Variants in FHIT observed in about 807,000 individuals in gnomAD.
FHIT encodes the protein bis(5'-adenosyl)-triphosphatase.
Under a neutral mutation model 17.9 loss-of-function variants are expected in FHIT, and 19 were observed. That is an observed-to-expected ratio of 1.06 (90% CI 0.74 to 1.56). The LOEUF (loss-of-function observed/expected upper bound fraction) is 1.56. Ranked by LOEUF, FHIT falls within the 40% of genes most tolerant of loss-of-function variation. The pLI is 0.00. For missense variants in FHIT, 248 were observed against 189.2 expected (o/e 1.31, Z -1.82); for synonymous variants, 81 against 69.7 (o/e 1.16, Z -0.81).
chr3:60,140,250 C>T (rs1699983743), intron 5 of FHIT, among the ~76,000 whole-genome samples: 1 of 152,130 alleles, frequency 6.6e-6, no homozygotes, highest in Admixed American at 6.5e-5. Context: ...AACCACCATT[C>T]TCCCATTCTG....
Position 61,075,762 on chromosome 3 carries a change from G to A in FHIT, c.-163-33663C>T, listed in dbSNP as rs181556027. On this transcript the variant is annotated intron_variant, in intron 2 of 9. Coordinates refer to ENST00000492590, the MANE Select transcript of FHIT (RefSeq NM_002012.4). ...TTTTGTTCATTTATCCATTAAATAA[G>A]TATTCGTTCACTGCCTTCTATGTGT... Among the ~76,000 whole-genome samples, 634 of 152,108 alleles carry A rather than the reference G, an allele frequency of 4.2e-3. 3 individuals are homozygous for A. Among genetic ancestry groups the A allele is most frequent in the African/African-American group, 0.014 (598 of 41,512 alleles).
intron 5 of FHIT, among the ~76,000 whole-genome samples, chr3:60,313,299 T>A (rs367663935): frequency 6.6e-6 from 1 of 152,214 alleles, no homozygotes; most frequent in Non-Finnish European, 1.5e-5. Context: ...GAAACTAATA[T>A]GTAAAAACCC....
intron 4 of FHIT, chr3:60,730,422 C>T (rs1289738066): frequency 4.2e-6 from 1 of 235,332 alleles, no homozygotes; most frequent in Non-Finnish European, 9.6e-6. Context: ...ATGTGTATTT[C>T]CCACTGGATT....
chr3:60,567,350 C>T lies in FHIT; in HGVS notation c.-17-30371G>A, dbSNP rs144506635. 1.8e-3 allele frequency among the ~76,000 whole-genome samples: 272 copies of T among 150,246 alleles called. 6 individuals carry two copies. The East Asian group carries it at 0.046, about 25-fold the overall frequency. Reference sequence around the variant, plus strand: ...TCTTTGACAAACCTGACAAAAGAAACGGGGAAAGGATTCTCTATTTAATAA... The same window carrying T: ...TCTTTGACAAACCTGACAAAAGAAATGGGGAAAGGATTCTCTATTTAATAA... On this transcript the variant is annotated intron_variant, in intron 4 of 9. Transcript: ENST00000492590.
intron 5 of FHIT, among the ~76,000 whole-genome samples, chr3:60,362,138 G>A (rs1419641584): frequency 6.6e-6 from 1 of 152,000 alleles, no homozygotes; most frequent in Non-Finnish European, 1.5e-5. Flanking sequence ...AATATATATA[G>A]ATAGTGAAAT....
intron 4 of FHIT, among the ~76,000 whole-genome samples, chr3:60,668,624 C>T (rs1305352291): frequency 7.2e-6 from 1 of 138,426 alleles, no homozygotes; most frequent in African/African-American, 2.7e-5. Flanking sequence ...TGCAGTGGCA[C>T]GATCGCTTCT....
intron 5 of FHIT, among the ~76,000 whole-genome samples, chr3:60,160,925 A>C (rs1700912302): frequency 6.6e-6 from 1 of 152,216 alleles, no homozygotes; most frequent in African/African-American, 2.4e-5. Flanking sequence ...ATTTTCATTA[A>C]GAAATTTTTA....
intron 1 of FHIT, among the ~76,000 whole-genome samples, chr3:61,238,227 A>T (rs1347464892): frequency 2.6e-5 from 4 of 152,196 alleles, no homozygotes; most frequent in African/African-American, 9.6e-5. Flanking sequence ...GTAAAAGGGG[A>T]TGAAGTCTGC....
At chr3:59,885,857 T>G (rs2106978483) in intron 8 of FHIT, among the ~76,000 whole-genome samples, 1 of 152,292 alleles carries the variant, frequency 6.6e-6, no homozygotes. Context: ...TCGCACATAC[T>G]CAGGGTGAGT....
intron 5 of FHIT, among the ~76,000 whole-genome samples, chr3:60,107,000 C>T (rs1472646108): frequency 6.6e-6 from 1 of 152,018 alleles, no homozygotes; most frequent in Non-Finnish European, 1.5e-5. Context: ...AAGAAAAGAT[C>T]AGTGATAGTT....
At chr3:60,575,310 T>G (rs1365276346) in intron 4 of FHIT, among the ~76,000 whole-genome samples, 1 of 152,152 alleles carries the variant, frequency 6.6e-6, no homozygotes, top group Non-Finnish European at 1.5e-5. Flanking sequence ...GTGCTGAGAT[T>G]AAGGAATTAG....
At chr3:60,030,620 G>A (rs922045829) in intron 5 of FHIT, among the ~76,000 whole-genome samples, 4 of 152,126 alleles carry the variant, frequency 2.6e-5, no homozygotes, top group Non-Finnish European at 5.9e-5. Context: ...ACTGAAATGA[G>A]GGCAGAAATC....
At chr3:60,180,990 T>C (rs1209408338) in intron 5 of FHIT, among the ~76,000 whole-genome samples, 2 of 152,024 alleles carry the variant, frequency 1.3e-5, no homozygotes, top group Admixed American at 1.3e-4. Context: ...TGAAGGTGAG[T>C]AGGAAAAATT....
At chr3:60,418,557 C>T (rs963789732) in intron 5 of FHIT, among the ~76,000 whole-genome samples, 3 of 95,222 alleles carry the variant, frequency 3.2e-5, no homozygotes, top group Non-Finnish European at 4.0e-5. Context: ...TCCCTCCCAA[C>T]TTTTTTTTTT....
intron 4 of FHIT, among the ~76,000 whole-genome samples, chr3:60,705,316 T>C (rs917357535): frequency 3.3e-5 from 5 of 152,102 alleles, no homozygotes; most frequent in Admixed American, 1.3e-4. Context: ...TAACCTTCTT[T>C]ACAGATAAGA....
chr3:60,114,246 G>T (rs1704843451), intron 5 of FHIT, among the ~76,000 whole-genome samples: 1 of 150,004 alleles, frequency 6.7e-6, no homozygotes, highest in Admixed American at 6.6e-5. Flanking sequence ...TAATTAGCTT[G>T]ATCAAGTTTA....
intron 4 of FHIT, among the ~76,000 whole-genome samples, chr3:60,612,162 T>G (rs1406723671): frequency 3.9e-5 from 6 of 152,100 alleles, no homozygotes; most frequent in African/African-American, 1.4e-4. Context: ...TTTAGTGAAG[T>G]GGTCAAAGAG....
At chr3:60,612,634 G>T (rs567431769) in intron 4 of FHIT, among the ~76,000 whole-genome samples, 1 of 152,134 alleles carries the variant, frequency 6.6e-6, no homozygotes, top group African/African-American at 2.4e-5. Context: ...AAATTGAAGT[G>T]GTGGTAAAAG....
At chr3:59,777,067 G>A (rs1003194659) in intron 8 of FHIT, among the ~76,000 whole-genome samples, 2 of 152,096 alleles carry the variant, frequency 1.3e-5, no homozygotes, top group African/African-American at 2.4e-5. Context: ...CTCCAAGCAC[G>A]GTCCATGTCT....
Sources: gnomAD v4.1 joint callset for allele counts (sites outside exome capture counted in the v4.1 genomes callset) on GRCh38, gnomAD v4.1.1 for gene constraint, MANE v1.5 for transcripts, NCBI Gene and HGNC (gene_info 2026-07-23, HGNC 2026-07-21) for gene names.